ESR1: variants seen among roughly 807,000 people sequenced by gnomAD.
ESR1 encodes the protein estrogen receptor.
Under a neutral mutation model 52.7 loss-of-function variants are expected in ESR1, and 12 were observed. The observed-to-expected ratio is 0.23, with a 90% CI of 0.15 to 0.37. ESR1 has a LOEUF of 0.37. Among genes scored for constraint, ESR1 ranks in the 10% least tolerant of loss-of-function variants. The pLI, the probability that ESR1 is intolerant of heterozygous loss-of-function variation, is 1.00. For synonymous variants in ESR1, 305 were observed against 316.8 expected (o/e 0.96, Z 0.39); for missense variants, 584 against 779.7 (o/e 0.75, Z 2.99).
chr6:151,725,968 T>G (rs1781806285), intron 2 of ESR1, among the ~76,000 whole-genome samples: 1 of 152,174 alleles, frequency 6.6e-6, no homozygotes, highest in Non-Finnish European at 1.5e-5. Context: ...GGTGAGCTTG[T>G]GTTGGATGAG....
At chr6:151,895,922 T>TACAGCTAC (rs1795420592) in intron 3 of ESR1, among the ~76,000 whole-genome samples, 1 of 152,196 alleles carries the variant, frequency 6.6e-6, no homozygotes, top group Non-Finnish European at 1.5e-5. Flanking sequence ...CCTGAGTCGC[T>TACAGCTAC]AGGATTACAG....
At chr6:151,795,034 G>A (rs1776555631) in intron 2 of ESR1, among the ~76,000 whole-genome samples, 2 of 152,074 alleles carry the variant, frequency 1.3e-5, no homozygotes, top group African/African-American at 4.8e-5. Flanking sequence ...AAATAATGGA[G>A]CAAAATAGCA....
At chr6:151,812,060 G>T (rs1435189463) in intron 1 of ESR1, among the ~76,000 whole-genome samples, 1 of 152,100 alleles carries the variant, frequency 6.6e-6, no homozygotes, top group African/African-American at 2.4e-5. Flanking sequence ...GGCGGCTTGG[G>T]ATTTCTTTTA....
At chr6:151,710,182 T>C (rs1780489131) in intron 2 of ESR1, among the ~76,000 whole-genome samples, 1 of 152,060 alleles carries the variant, frequency 6.6e-6, no homozygotes, top group African/African-American at 2.4e-5. Context: ...TTGCTTTGAT[T>C]ATAATAGCTG....
intron 2 of ESR1, among the ~76,000 whole-genome samples, chr6:151,873,468 A>G (rs1015795325): frequency 1.3e-5 from 2 of 152,192 alleles, no homozygotes; most frequent in African/African-American, 4.8e-5. Context: ...ACCCCCAGAT[A>G]GGAAGTGAGC....
intron 3 of ESR1, among the ~76,000 whole-genome samples, chr6:151,926,304 T>G (rs1029531259): frequency 6.6e-6 from 1 of 152,196 alleles, no homozygotes; most frequent in Non-Finnish European, 1.5e-5. Flanking sequence ...TTGTTCTTCT[T>G]CAGTATTAAA....
At chr6:151,954,119 A>T (rs12660322) in intron 4 of ESR1, among the ~76,000 whole-genome samples, 1 of 152,134 alleles carries the variant, frequency 6.6e-6, no homozygotes, top group Non-Finnish European at 1.5e-5. Context: ...TTCATTGACG[A>T]AATTAACTGT....
chr6:152,101,596 T>G lies in ESR1; in HGVS notation c.*2630T>G, dbSNP rs148368610. On this transcript the variant is annotated 3_prime_UTR_variant, in exon 8 of 8. Coordinates refer to ENST00000206249, the MANE Select transcript of ESR1 (RefSeq NM_000125.4). ...GTATTTTTACTTGAAGTGCCACTAA[T>G]GGACAGCAGATATTTTCTGGCTGAT... 8.7e-5 allele frequency: 20 copies of G among 230,772 alleles called. No homozygotes were observed. The East Asian group carries it at 1.2e-3, about 14-fold the overall frequency. 14.3% of individuals were successfully genotyped at this position (230,772 alleles called of 1,614,324 possible). A position where few individuals can be genotyped will look rare whatever the true frequency, so the allele number is the denominator to read the frequency against.
chr6:151,829,215 A>G (rs1414591679), intron 1 of ESR1, among the ~76,000 whole-genome samples: 1 of 152,216 alleles, frequency 6.6e-6, no homozygotes, highest in Non-Finnish European at 1.5e-5. Context: ...ATGTCATAAT[A>G]GATGAATTAT....
At chr6:151,771,622 A>G (rs1470711450) in intron 2 of ESR1, among the ~76,000 whole-genome samples, 3 of 152,266 alleles carry the variant, frequency 2.0e-5, no homozygotes, top group African/African-American at 7.2e-5. Context: ...TTGCCATGCA[A>G]ATGTCAAATA....
At chr6:151,674,198 C>G (rs1778175450) in intron 1 of ESR1, among the ~76,000 whole-genome samples, 1 of 152,124 alleles carries the variant, frequency 6.6e-6, no homozygotes, top group Admixed American at 6.5e-5. Flanking sequence ...CACCACCCAA[C>G]AGGCCCTGGT....
chr6:151,777,530 T>C (rs1786126119), intron 2 of ESR1, among the ~76,000 whole-genome samples: 1 of 152,124 alleles, frequency 6.6e-6, no homozygotes, highest in Non-Finnish European at 1.5e-5. Context: ...GTGGAGAATG[T>C]TGGTGATTTA....
At chr6:151,956,537 A>G (rs1159350620) in intron 4 of ESR1, among the ~76,000 whole-genome samples, 1 of 151,968 alleles carries the variant, frequency 6.6e-6, no homozygotes, top group East Asian at 1.9e-4. Flanking sequence ...GAGTGCTTTT[A>G]TTTTCCCCAT....
At chr6:152,048,198 G>A (rs903874917) in intron 5 of ESR1, among the ~76,000 whole-genome samples, 14 of 151,354 alleles carry the variant, frequency 9.2e-5, no homozygotes, top group African/African-American at 2.4e-4. Flanking sequence ...GTGAAACCCC[G>A]TCTCTATTAA....
At chr6:152,108,151 G>A (rs1366556465), downstream of ESR1, among the ~76,000 whole-genome samples, 1 of 152,172 alleles carries the variant, frequency 6.6e-6, no homozygotes, top group South Asian at 2.1e-4. Flanking sequence ...TCTCCCCTAG[G>A]CATGTTTGCA....
intron 2 of ESR1, among the ~76,000 whole-genome samples, chr6:151,862,477 G>A (rs1275105889): frequency 2.0e-5 from 3 of 152,182 alleles, no homozygotes; most frequent in African/African-American, 7.2e-5. Flanking sequence ...GCTCCTGTGT[G>A]TCTCCTTATA....
At chr6:151,805,116 G>A (rs1028357248), upstream of ESR1, 6 of 152,148 alleles carry the variant, frequency 3.9e-5, no homozygotes, top group African/African-American at 1.2e-4. Flanking sequence ...TTTGGTTAAC[G>A]AAGTGGAGGA....
At position 151,886,043 on chromosome 6, in the gene ESR1, GT is replaced by G. The variant is rs564307338; in HGVS notation, c.760+5282del. ...TTTCATCATATACGAGCACTGCTGG[GT>G]TTTTTTTTTCAGCTGAAAGAAAGAG... On this transcript the variant is annotated intron_variant, in intron 3 of 7. Transcript: ENST00000206249. Among the ~76,000 whole-genome samples the G allele has an allele frequency of 4.7e-4, 68 of 145,900 alleles. No homozygotes were observed. In the East Asian group the frequency reaches 8.3e-3, roughly 18 times the overall value.
chr6:151,694,471 T>C (rs534774622), intron 1 of ESR1, among the ~76,000 whole-genome samples: 1 of 152,218 alleles, frequency 6.6e-6, no homozygotes, highest in South Asian at 2.1e-4. Flanking sequence ...TAAAAGAGTT[T>C]TGTACAAAGT....
Sources: allele counts gnomAD v4.1 joint callset (sites outside exome capture counted in the v4.1 genomes callset), GRCh38; gene constraint gnomAD v4.1.1; transcripts MANE v1.5; gene names NCBI Gene and HGNC (gene_info 2026-07-23, HGNC 2026-07-21).